Variants in GRIA1 observed in about 807,000 individuals in gnomAD.
GRIA1 encodes glutamate receptor 1.
In GRIA1, 31 loss-of-function variants were observed where a neutral mutation model predicts 99.2. The ratio of observed to expected loss-of-function variants is 0.31; its 90% CI spans 0.23 to 0.42. The LOEUF (loss-of-function observed/expected upper bound fraction) is 0.42. GRIA1 is among the 10% of genes least tolerant of loss of function. GRIA1 has a pLI of 1.00. For missense variants in GRIA1, 782 were observed against 1,157.5 expected (o/e 0.68, Z 4.71); for synonymous variants, 438 against 432.4 (o/e 1.01, Z -0.16).
At chr5:153,805,051 C>T (rs1381929052) in intron 15 of GRIA1, among the ~76,000 whole-genome samples, 1 of 152,168 alleles carries the variant, frequency 6.6e-6, no homozygotes, top group Non-Finnish European at 1.5e-5. Context: ...CACACCAGGC[C>T]TCTGATCCTC....
At chr5:153,806,465 C>A (rs1004948441) in intron 15 of GRIA1, among the ~76,000 whole-genome samples, 6 of 152,110 alleles carry the variant, frequency 3.9e-5, no homozygotes, top group African/African-American at 1.4e-4. Flanking sequence ...TGGGGTTTCA[C>A]CATGTTAGCC....
intron 14 of GRIA1, chr5:153,795,666 A>T (rs1022087123): frequency 9.5e-6 from 8 of 846,088 alleles, no homozygotes; most frequent in Non-Finnish European, 1.2e-5. Context: ...TCCGAGCCTC[A>T]GAGAGGCTTG....
At chr5:153,600,116 G>C (rs1328073286) in intron 2 of GRIA1, among the ~76,000 whole-genome samples, 1 of 152,088 alleles carries the variant, frequency 6.6e-6, no homozygotes, top group Non-Finnish European at 1.5e-5. Context: ...TCTGGACCCG[G>C]CGCGGTGGCT....
intron 11 of GRIA1, among the ~76,000 whole-genome samples, chr5:153,738,910 C>A (rs919382599): frequency 6.6e-6 from 1 of 151,562 alleles, no homozygotes; most frequent in African/African-American, 2.4e-5. Context: ...TTAGTAGAGA[C>A]GGGGTTTTAC....
At chr5:153,692,848 A>C (rs1014637385) in intron 8 of GRIA1, among the ~76,000 whole-genome samples, 3 of 152,198 alleles carry the variant, frequency 2.0e-5, no homozygotes, top group African/African-American at 7.2e-5. Flanking sequence ...CTGGGCAATC[A>C]GAGAGCACAC....
At chr5:153,657,888 A>C (rs1755068026) in intron 5 of GRIA1, among the ~76,000 whole-genome samples, 1 of 152,132 alleles carries the variant, frequency 6.6e-6, no homozygotes, top group South Asian at 2.1e-4. Flanking sequence ...ACTTTTGGGG[A>C]ACGAAGAGTC....
At chr5:153,762,527 T>C (rs1337444968) in intron 11 of GRIA1, among the ~76,000 whole-genome samples, 1 of 152,214 alleles carries the variant, frequency 6.6e-6, no homozygotes, top group Non-Finnish European at 1.5e-5. Flanking sequence ...ATTTTGCCCC[T>C]TTGTAACTAT....
At chr5:153,667,980 C>G (rs367835218) in intron 5 of GRIA1, among the ~76,000 whole-genome samples, 8 of 152,348 alleles carry the variant, frequency 5.3e-5, no homozygotes, top group Middle Eastern at 3.4e-3. Flanking sequence ...TACTCCCCAT[C>G]ATTGTACTCA....
intron 11 of GRIA1, among the ~76,000 whole-genome samples, chr5:153,723,124 G>T (rs1049335418): frequency 5.3e-5 from 8 of 152,160 alleles, no homozygotes; most frequent in African/African-American, 1.4e-4. Context: ...GAGATAGAAG[G>T]TACTGGGGGG....
intron 13 of GRIA1, among the ~76,000 whole-genome samples, chr5:153,776,400 A>T (rs1236398004): frequency 1.3e-5 from 2 of 152,176 alleles, no homozygotes; most frequent in Non-Finnish European, 2.9e-5. Flanking sequence ...AAATGGAAAA[A>T]TACGGGATTT....
chr5:153,798,800 G>C (rs1765803628), intron 14 of GRIA1, among the ~76,000 whole-genome samples: 1 of 152,124 alleles, frequency 6.6e-6, no homozygotes, highest in Non-Finnish European at 1.5e-5. Flanking sequence ...CAGAAGCACA[G>C]AGGGAACCTG....
intron 2 of GRIA1, chr5:153,573,150 T>G (rs868463070): frequency 8.5e-5 from 13 of 152,146 alleles, no homozygotes; most frequent in African/African-American, 3.1e-4. Flanking sequence ...GGACATGTAT[T>G]GTTGAGGGTG....
chr5:153,517,174 C>A (rs1756704970), intron 2 of GRIA1, among the ~76,000 whole-genome samples: 1 of 152,186 alleles, frequency 6.6e-6, no homozygotes, highest in Non-Finnish European at 1.5e-5. Flanking sequence ...CCATTCCCAC[C>A]AGTACCCAGA....
chr5:153,728,042 C>T (rs376906739), intron 11 of GRIA1, among the ~76,000 whole-genome samples: 1 of 150,556 alleles, frequency 6.6e-6, no homozygotes, highest in Non-Finnish European at 1.5e-5. Flanking sequence ...GAGATATAGA[C>T]CAATGGAACA....
chr5:153,806,702 A>G (rs899204327), intron 15 of GRIA1, among the ~76,000 whole-genome samples: 1 of 152,232 alleles, frequency 6.6e-6, no homozygotes, highest in Non-Finnish European at 1.5e-5. Context: ...AAGAGAAAGA[A>G]GGGTGGAGGA....
intron 2 of GRIA1, among the ~76,000 whole-genome samples, chr5:153,578,170 A>AAAAAAAAAAAAG (rs1561658005): frequency 4.2e-5 from 5 of 119,252 alleles, no homozygotes; most frequent in African/African-American, 1.2e-4. Context: ...AAAAAAAAAA[A>AAAAAAAAAAAAG]AAAGAAAGAA....
intron 2 of GRIA1, among the ~76,000 whole-genome samples, chr5:153,510,601 A>G (rs1261698827): frequency 6.6e-6 from 1 of 152,212 alleles, no homozygotes. Flanking sequence ...TCTGCAAGAT[A>G]CATTTGGAAA....
intron 11 of GRIA1, among the ~76,000 whole-genome samples, chr5:153,731,581 C>T (rs973645666): frequency 2.6e-5 from 4 of 152,052 alleles, no homozygotes; most frequent in African/African-American, 9.7e-5. Flanking sequence ...AGGCAGAACC[C>T]ATTTTTTTCC....
intron 11 of GRIA1, among the ~76,000 whole-genome samples, chr5:153,745,589 CA>C (rs58166158): frequency 0.13 from 12,846 of 100,540 alleles, 546 homozygotes; most frequent in Middle Eastern, 0.19. Flanking sequence ...AACTCTGTCT[CA>C]AAAAAAAAAA....
Sources: allele counts gnomAD v4.1 joint callset (sites outside exome capture counted in the v4.1 genomes callset), GRCh38; gene constraint gnomAD v4.1.1; transcripts MANE v1.5; gene names NCBI Gene and HGNC (gene_info 2026-07-23, HGNC 2026-07-21).